EXT1: variants seen among roughly 807,000 people sequenced by gnomAD.
The protein encoded by EXT1 is exostosin-1.
Under a neutral mutation model 82.5 loss-of-function variants are expected in EXT1, and 20 were observed. The ratio of observed to expected loss-of-function variants is 0.24; its 90% confidence interval spans 0.17 to 0.35. EXT1 has a LOEUF of 0.35. EXT1 is among the 10% of genes least tolerant of loss of function. The pLI is 1.00. For missense variants in EXT1, 757 were observed against 936.5 expected (o/e 0.81, Z 2.50); for synonymous variants, 348 against 350.8 (o/e 0.99, Z 0.09).
At chr8:117,946,845 A>G (rs1348357289) in intron 1 of EXT1, among the ~76,000 whole-genome samples, 1 of 152,216 alleles carries the variant, frequency 6.6e-6, no homozygotes, top group Non-Finnish European at 1.5e-5. Context: ...ATATGGAGGA[A>G]TGAAACAGAA....
chr8:117,814,537 C>T (rs1207427480), intron 7 of EXT1, among the ~76,000 whole-genome samples: 3 of 152,108 alleles, frequency 2.0e-5, no homozygotes, highest in Non-Finnish European at 4.4e-5. Context: ...TTGCCCAAAA[C>T]GGACCCAGGA....
intron 10 of EXT1, among the ~76,000 whole-genome samples, chr8:117,800,986 T>A (rs747086112): frequency 2.6e-4 from 40 of 152,236 alleles, no homozygotes; most frequent in Non-Finnish European, 5.4e-4. Context: ...TTTATGTCAA[T>A]AGGCAAGTCT....
intron 7 of EXT1, among the ~76,000 whole-genome samples, chr8:117,817,696 C>A (rs1355669867): frequency 6.6e-6 from 1 of 151,996 alleles, no homozygotes; most frequent in African/African-American, 2.4e-5. Context: ...AGAGACACAG[C>A]GCAATTCAGC....
chr8:117,858,864 AG>A (rs1812631015), intron 1 of EXT1, among the ~76,000 whole-genome samples: 1 of 47,242 alleles, frequency 2.1e-5, no homozygotes, highest in African/African-American at 6.6e-5. Flanking sequence ...AAAGAAAGAA[AG>A]AAAGAAAGAA....
chr8:117,839,082 T>C (rs983872724), intron 1 of EXT1, among the ~76,000 whole-genome samples: 5 of 152,180 alleles, frequency 3.3e-5, no homozygotes, highest in African/African-American at 7.2e-5. Context: ...ACAGTTATAG[T>C]GGGTTGCTTA....
intron 1 of EXT1, among the ~76,000 whole-genome samples, chr8:118,067,174 C>A (rs1817003690): frequency 6.6e-6 from 1 of 152,242 alleles, no homozygotes; most frequent in African/African-American, 2.4e-5. Flanking sequence ...CAAGTCTAAA[C>A]TTCAAGAAGT....
At chr8:118,009,664 G>C (rs895728301) in intron 1 of EXT1, among the ~76,000 whole-genome samples, 1 of 152,222 alleles carries the variant, frequency 6.6e-6, no homozygotes, top group African/African-American at 2.4e-5. Flanking sequence ...CCTCCTGTCA[G>C]ATCACTGGTG....
At chr8:117,852,069 C>CT (rs891937170) in intron 1 of EXT1, among the ~76,000 whole-genome samples, 22 of 152,294 alleles carry the variant, frequency 1.4e-4, no homozygotes, top group African/African-American at 5.3e-4. Flanking sequence ...TCCAAAAATC[C>CT]TATGAAGTAA....
intron 7 of EXT1, among the ~76,000 whole-genome samples, chr8:117,817,442 C>T (rs142293348): frequency 6.6e-6 from 1 of 152,146 alleles, no homozygotes; most frequent in African/African-American, 2.4e-5. Context: ...TTTTAGATGG[C>T]ACTGCTTCAC....
chr8:117,834,679 G>C (rs551186803), intron 3 of EXT1, among the ~76,000 whole-genome samples: 1 of 151,674 alleles, frequency 6.6e-6, no homozygotes, highest in East Asian at 1.9e-4. Context: ...AAAACTAAAA[G>C]GGCAAAGACA....
At position 117,796,517 on chromosome 8, in the gene EXT1, T is replaced by C. The variant is rs1017953338; in HGVS notation, c.*3195A>G. The stretch of plus-strand genomic sequence containing the variant: ...AGAACCACCAAAATAAAGGCTAACA[T>C]AGCCTACTGTAATGAAAACCAAAAG... On this transcript the variant is annotated 3_prime_UTR_variant, in exon 11 of 11. Transcript: ENST00000378204. 2.0e-5 allele frequency: 3 copies of C among 152,142 alleles called. No individual in the cohort carries two copies. Among genetic ancestry groups the C allele is most frequent in the Non-Finnish European group, 4.4e-5 (3 of 68,024 alleles). The allele number at this position is 152,142 out of a possible 1,614,324, so 9.4% of individuals were successfully genotyped here. A position where few individuals can be genotyped will look rare whatever the true frequency, so the allele number is the denominator to read the frequency against.
intron 1 of EXT1, among the ~76,000 whole-genome samples, chr8:118,083,421 C>T (rs1165359533): frequency 6.6e-6 from 1 of 152,156 alleles, no homozygotes; most frequent in Non-Finnish European, 1.5e-5. Context: ...GGCTAATCAC[C>T]CACCAGTCAC....
At chr8:117,841,591 G>A (rs1773978682) in intron 1 of EXT1, among the ~76,000 whole-genome samples, 1 of 152,092 alleles carries the variant, frequency 6.6e-6, no homozygotes, top group Non-Finnish European at 1.5e-5. Flanking sequence ...CAGATAATTT[G>A]CCACTCTAAT....
At position 117,815,934 on chromosome 8, in the gene EXT1, CA is replaced by C. The variant is rs58788900; in HGVS notation, c.1632+2500del. Among the ~76,000 whole-genome samples the C allele has an allele frequency of 2.3e-3, 262 of 116,400 alleles. 1 individual carries two copies. Among genetic ancestry groups the C allele is most frequent in the African/African-American group, 5.0e-3 (146 of 29,180 alleles). The allele number at this position is 116,400 out of a possible 152,430, so 76.4% of individuals were successfully genotyped here. A position where few individuals can be genotyped will look rare whatever the true frequency, so the allele number is the denominator to read the frequency against. Reference sequence around the variant, plus strand: ...AGGCAACAAGAGCGAAACTCTGCCTCAAAAAAAAAAAAAAAATTAACAAACA... The same window carrying C: ...AGGCAACAAGAGCGAAACTCTGCCTCAAAAAAAAAAAAAAATTAACAAACA... On this transcript the variant is annotated intron_variant, in intron 7 of 10. Transcript: ENST00000378204.
At chr8:117,987,059 C>G (rs17453602) in intron 1 of EXT1, among the ~76,000 whole-genome samples, 2,910 of 152,240 alleles carry the variant, frequency 0.019, 36 homozygotes, top group Middle Eastern at 0.031. Flanking sequence ...CCCACTCACC[C>G]TACTTGAATT....
chr8:117,911,132 A>T (rs958363332), intron 1 of EXT1, among the ~76,000 whole-genome samples: 5 of 152,246 alleles, frequency 3.3e-5, no homozygotes, highest in African/African-American at 1.2e-4. Flanking sequence ...CTCAGGTGCC[A>T]GTGGGTGTTT....
chr8:118,101,875 T>C (rs1409017841), intron 1 of EXT1, among the ~76,000 whole-genome samples: 1 of 151,902 alleles, frequency 6.6e-6, no homozygotes, highest in Non-Finnish European at 1.5e-5. Context: ...TTCTATATTG[T>C]GTTTTGAGAG....
intron 1 of EXT1, among the ~76,000 whole-genome samples, chr8:118,045,037 C>T (rs1463158966): frequency 1.3e-5 from 2 of 152,196 alleles, no homozygotes; most frequent in African/African-American, 4.8e-5. Context: ...TCTCAGCAAC[C>T]TTCTAAAAGG....
chr8:117,918,404 T>C (rs190081589), intron 1 of EXT1, among the ~76,000 whole-genome samples: 9 of 152,318 alleles, frequency 5.9e-5, no homozygotes, highest in African/African-American at 1.9e-4. Flanking sequence ...GCTGCACAGA[T>C]ATCATGAATG....
Sources: allele counts gnomAD v4.1 joint callset (sites outside exome capture counted in the v4.1 genomes callset), GRCh38; gene constraint gnomAD v4.1.1; transcripts MANE v1.5; gene names NCBI Gene and HGNC (gene_info 2026-07-23, HGNC 2026-07-21).